The following LYN variants were observed in gnomAD, a reference collection of about 807,000 sequenced individuals.
LYN encodes tyrosine-protein kinase Lyn.
In LYN, 12 loss-of-function variants were observed where a neutral mutation model predicts 65.0. The observed-to-expected ratio is 0.18, with a 90% CI of 0.12 to 0.30. The LOEUF (loss-of-function observed/expected upper bound fraction) is 0.30. Ranked by LOEUF, LYN falls within the 10% of genes least tolerant of loss-of-function variation. The pLI is 1.00. For synonymous variants in LYN, 222 were observed against 221.2 expected (o/e 1.00, Z -0.03); for missense variants, 380 against 623.2 (o/e 0.61, Z 4.16).
At chr8:55,965,843 G>A (rs375617127) in intron 8 of LYN, among the ~76,000 whole-genome samples, 4 of 151,976 alleles carry the variant, frequency 2.6e-5, no homozygotes, top group Non-Finnish European at 5.9e-5. Flanking sequence ...ATTAGTCCTC[G>A]GCTGGGCACA....
intron 4 of LYN, among the ~76,000 whole-genome samples, chr8:55,948,951 T>C (rs1806860924): frequency 6.6e-6 from 1 of 152,146 alleles, no homozygotes; most frequent in African/African-American, 2.4e-5. Context: ...CAGACAAGGA[T>C]CCTGTCTGTG....
chr8:55,917,781 G>GA (rs1805820375), intron 1 of LYN, among the ~76,000 whole-genome samples: 1 of 152,176 alleles, frequency 6.6e-6, no homozygotes, highest in East Asian at 1.9e-4. Context: ...GTTTGACCCT[G>GA]AAAAAATTAA....
chr8:55,963,244 G>T (rs1487457502), intron 8 of LYN, among the ~76,000 whole-genome samples: 1 of 152,208 alleles, frequency 6.6e-6, no homozygotes, highest in Non-Finnish European at 1.5e-5. Context: ...GGATTTGCTG[G>T]ATCGTAAGGT....
intron 1 of LYN, among the ~76,000 whole-genome samples, chr8:55,939,533 G>T (rs943611785): frequency 4.6e-5 from 6 of 130,136 alleles, no homozygotes; most frequent in South Asian, 2.4e-4. Flanking sequence ...GGAACGCAGT[G>T]GGGGGGGGAC....
intron 8 of LYN, among the ~76,000 whole-genome samples, chr8:55,963,799 T>C (rs1807359123): frequency 1.3e-5 from 2 of 152,242 alleles, no homozygotes; most frequent in Non-Finnish European, 2.9e-5. Flanking sequence ...TGGATGCAAG[T>C]TCCTTGCAGT....
chr8:55,976,456 C>T (rs1039712052), intron 10 of LYN, among the ~76,000 whole-genome samples: 6 of 152,168 alleles, frequency 3.9e-5, no homozygotes, highest in African/African-American at 9.7e-5. Context: ...CTCCCTGAGC[C>T]CCCTCACCCT....
chr8:55,979,688 C>G (rs112202706), intron 10 of LYN, among the ~76,000 whole-genome samples: 2,258 of 152,312 alleles, frequency 0.015, 54 homozygotes, highest in African/African-American at 0.052. Context: ...GTTCCCATCT[C>G]AGGCCTCCAC....
At position 55,888,900 on chromosome 8, in the gene LYN, G is replaced by A. The variant is rs1399175836; in HGVS notation, c.-6+8797G>A. Among the ~76,000 whole-genome samples, 6 of 152,208 alleles carry A rather than the reference G, an allele frequency of 3.9e-5. No homozygotes were observed. In the South Asian group the frequency reaches 8.3e-4, roughly 21 times the overall value. ...TATGGTTGTTGGTATAATGAAATGCGGCACCATAGCAGTTGATTTTTGTCT... is the reference window on the plus strand; with the variant it reads ...TATGGTTGTTGGTATAATGAAATGCAGCACCATAGCAGTTGATTTTTGTCT... On this transcript the variant is annotated intron_variant, in intron 1 of 12. Transcript: ENST00000519728.
rs778205931 is a variant in LYN at position 55,879,862 on chromosome 8, G to A, written c.-247G>A. On this transcript the variant is annotated 5_prime_UTR_variant, in exon 1 of 13. Transcript: ENST00000519728. Reference sequence around the variant, plus strand: ...TTCCTCTCCCGCCGCGCCGGGCCGCGCTGCCGCTCGCTCCCCGGCCGTGGC... The same window carrying A: ...TTCCTCTCCCGCCGCGCCGGGCCGCACTGCCGCTCGCTCCCCGGCCGTGGC... The A allele has an allele frequency of 1.1e-5, 2 of 185,960 alleles. No individual in the cohort carries two copies. Among genetic ancestry groups the A allele is most frequent in the South Asian group, 1.8e-4 (2 of 11,320 alleles). The allele number at this position is 185,960 out of a possible 1,614,324, so 11.5% of individuals were successfully genotyped here.
intron 10 of LYN, among the ~76,000 whole-genome samples, chr8:55,989,878 T>G (rs1808194621): frequency 6.6e-6 from 1 of 152,116 alleles, no homozygotes; most frequent in Admixed American, 6.5e-5. Context: ...GTACATTGGT[T>G]CAACCCAGGA....
chr8:55,948,647 C>G (rs775747286), intron 4 of LYN, among the ~76,000 whole-genome samples: 2 of 152,140 alleles, frequency 1.3e-5, no homozygotes, highest in South Asian at 2.1e-4. Flanking sequence ...CTGTGACCTG[C>G]CAAATAGGGT....
chr8:55,894,971 C>T (rs1805053283), intron 1 of LYN, among the ~76,000 whole-genome samples: 1 of 152,138 alleles, frequency 6.6e-6, no homozygotes, highest in Non-Finnish European at 1.5e-5. Flanking sequence ...GTGTGAGCCA[C>T]AGTGCCAAGC....
chr8:55,967,651 T>G (rs780405582), intron 9 of LYN, among the ~76,000 whole-genome samples: 15 of 152,184 alleles, frequency 9.9e-5, no homozygotes, highest in Non-Finnish European at 2.1e-4. Flanking sequence ...ATTTTCCTTT[T>G]CAGCATTATC....
chr8:55,896,124 G>A (rs1406663449), intron 1 of LYN, among the ~76,000 whole-genome samples: 4 of 151,790 alleles, frequency 2.6e-5, no homozygotes, highest in African/African-American at 9.7e-5. Flanking sequence ...ACAAGTTTTA[G>A]CTAGACGTGG....
chr8:55,986,185 T>TC (rs66520008), intron 10 of LYN, among the ~76,000 whole-genome samples: 22,068 of 141,696 alleles, frequency 0.16, 3,978 homozygotes, highest in African/African-American at 0.44. Flanking sequence ...TCCACCAGAA[T>TC]CCCCCCCGCA....
chr8:55,966,839 C>G lies in LYN; in HGVS notation c.915C>G (p.Leu305=). The change falls in exon 9 of 13, where the codon CTC becomes CTG. Residue 305 remains leucine (L), a synonymous_variant. Transcript: ENST00000519728. Reference sequence around the variant, plus strand: ...TGCAGCATGACAAGCTCGTGAGGCTCTACGCTGTGGTCACCAGGGAGGAGC... The same window carrying G: ...TGCAGCATGACAAGCTCGTGAGGCTGTACGCTGTGGTCACCAGGGAGGAGC... ...KTLQHDKLVR[L]YAVVTREEPI... The G allele has an allele frequency of 1.2e-6, 2 of 1,614,138 alleles. No individual in the cohort carries two copies. The highest frequency in any genetic ancestry group is 2.2e-5 in the South Asian group (2 of 91,086).
chr8:55,896,242 C>A (rs532209016), intron 1 of LYN, among the ~76,000 whole-genome samples: 7 of 151,446 alleles, frequency 4.6e-5, no homozygotes, highest in Non-Finnish European at 8.8e-5. Flanking sequence ...TGCACTCCAG[C>A]CTGGGTAGCA....
At chr8:55,950,187 G>C (rs560592821) in intron 4 of LYN, among the ~76,000 whole-genome samples, 1 of 152,096 alleles carries the variant, frequency 6.6e-6, no homozygotes, top group Non-Finnish European at 1.5e-5. Context: ...CATTTTGGTT[G>C]TTTCTACTTT....
At chr8:55,946,963 C>T (rs1234218971) in intron 3 of LYN, among the ~76,000 whole-genome samples, 1 of 152,078 alleles carries the variant, frequency 6.6e-6, no homozygotes, top group Non-Finnish European at 1.5e-5. Flanking sequence ...AAGTATATGC[C>T]CTGGCCGGGT....
Sources: gnomAD v4.1 joint callset for allele counts (sites outside exome capture counted in the v4.1 genomes callset) on GRCh38, gnomAD v4.1.1 for gene constraint, MANE v1.5 for transcripts, NCBI Gene and HGNC (gene_info 2026-07-23, HGNC 2026-07-21) for gene names.